PCSK2: variants seen among roughly 807,000 people sequenced by gnomAD.
PCSK2 encodes proprotein convertase subtilisin/kexin type 2.
Under a neutral mutation model 69.7 loss-of-function variants are expected in PCSK2, and 14 were observed. That is an observed-to-expected ratio of 0.20 (90% CI 0.13 to 0.31). The LOEUF (loss-of-function observed/expected upper bound fraction) is 0.31. Among genes scored for constraint, PCSK2 ranks in the 10% least tolerant of loss-of-function variants. PCSK2 has a pLI of 1.00. For synonymous variants in PCSK2, 307 were observed against 320.7 expected (o/e 0.96, Z 0.46); for missense variants, 544 against 842.5 (o/e 0.65, Z 4.39).
At chr20:17,231,069 A>G (rs1013817982) in intron 1 of PCSK2, among the ~76,000 whole-genome samples, 2 of 152,228 alleles carry the variant, frequency 1.3e-5, no homozygotes, top group African/African-American at 4.8e-5. Context: ...AAAATTATTT[A>G]TTGAAGCAAC....
intron 6 of PCSK2, among the ~76,000 whole-genome samples, chr20:17,413,804 TAAAAG>T (rs1380873561): frequency 6.6e-6 from 1 of 152,076 alleles, no homozygotes; most frequent in Non-Finnish European, 1.5e-5. Context: ...TCAGCAAATG[TAAAAG>T]AAAAGAAATC....
chr20:17,431,694 A>C (rs1238787420), intron 7 of PCSK2, among the ~76,000 whole-genome samples: 1 of 152,164 alleles, frequency 6.6e-6, no homozygotes, highest in Non-Finnish European at 1.5e-5. Context: ...TGCCTTAGGG[A>C]ACCCAGTGTC....
At chr20:17,276,330 A>G (rs745322574) in intron 2 of PCSK2, among the ~76,000 whole-genome samples, 15 of 152,126 alleles carry the variant, frequency 9.9e-5, no homozygotes, top group African/African-American at 2.2e-4. Context: ...TTCTTGTGCT[A>G]ATTAACTCCA....
chr20:17,271,255 G>T (rs569275993), intron 2 of PCSK2, among the ~76,000 whole-genome samples: 1 of 151,568 alleles, frequency 6.6e-6, no homozygotes, highest in Non-Finnish European at 1.5e-5. Context: ...TTCTTGTCTC[G>T]GGGGAAATAT....
At position 17,440,858 on chromosome 20, in the gene PCSK2, A is replaced by G. The variant is rs1458382157; in HGVS notation, c.885+3975A>G. Among the ~76,000 whole-genome samples, 7 of 116,682 alleles carry G rather than the reference A, an allele frequency of 6.0e-5. No individual in the cohort carries two copies. The East Asian group carries it at 1.6e-3, about 27-fold the overall frequency. The allele number at this position is 116,682 out of a possible 152,430, so 76.5% of individuals were successfully genotyped here. On this transcript the variant is annotated intron_variant, in intron 8 of 11. Transcript: ENST00000262545. Reference sequence around the variant, plus strand: ...GTCTGGGCATCAGGAGTGAAACTCTATCTCAAAAAAAAAAAAAAAAATGCA... The same window carrying G: ...GTCTGGGCATCAGGAGTGAAACTCTGTCTCAAAAAAAAAAAAAAAAATGCA...
chr20:17,461,918 CCTA>C (rs1249917433), intron 10 of PCSK2, among the ~76,000 whole-genome samples: 1 of 152,188 alleles, frequency 6.6e-6, no homozygotes, highest in Non-Finnish European at 1.5e-5. Flanking sequence ...AATACATACA[CCTA>C]CTGTGTACCC....
chr20:17,354,058 T>C (rs1399934832), intron 2 of PCSK2, among the ~76,000 whole-genome samples: 1 of 152,220 alleles, frequency 6.6e-6, no homozygotes, highest in Non-Finnish European at 1.5e-5. Flanking sequence ...CTATGCTTAC[T>C]ACCTGGCTGA....
chr20:17,282,083 T>A (rs1354001150), intron 2 of PCSK2, among the ~76,000 whole-genome samples: 1 of 152,174 alleles, frequency 6.6e-6, no homozygotes, highest in Non-Finnish European at 1.5e-5. Flanking sequence ...TCTCATGGTG[T>A]ATGCTCCACT....
At chr20:17,378,080 C>A (rs6111524) in intron 5 of PCSK2, among the ~76,000 whole-genome samples, 1 of 152,098 alleles carries the variant, frequency 6.6e-6, no homozygotes. Flanking sequence ...AGTCCCTGAC[C>A]TTGGGGGGTT....
At chr20:17,471,984 G>T (rs1381102111) in intron 11 of PCSK2, among the ~76,000 whole-genome samples, 2 of 152,234 alleles carry the variant, frequency 1.3e-5, no homozygotes, top group African/African-American at 4.8e-5. Flanking sequence ...TCCCGGAGAT[G>T]GAGTCAATTT....
chr20:17,469,619 A>G (rs1212860667), intron 11 of PCSK2, among the ~76,000 whole-genome samples: 6 of 151,908 alleles, frequency 3.9e-5, no homozygotes, highest in Admixed American at 1.3e-4. Flanking sequence ...CTAAACCCAA[A>G]CCCCAGGCTC....
At chr20:17,376,327 G>A (rs901222232) in intron 5 of PCSK2, among the ~76,000 whole-genome samples, 1 of 152,220 alleles carries the variant, frequency 6.6e-6, no homozygotes, top group African/African-American at 2.4e-5. Flanking sequence ...CTGAACTGTG[G>A]ACTCGTAAGC....
intron 2 of PCSK2, among the ~76,000 whole-genome samples, chr20:17,295,955 T>C (rs1338888166): frequency 1.3e-5 from 2 of 152,190 alleles, no homozygotes; most frequent in Non-Finnish European, 1.5e-5. Context: ...CATCCACAAA[T>C]GTGCTTGTGT....
intron 1 of PCSK2, among the ~76,000 whole-genome samples, chr20:17,246,352 G>A (rs960527198): frequency 6.6e-6 from 1 of 152,140 alleles, no homozygotes; most frequent in Non-Finnish European, 1.5e-5. Flanking sequence ...AATCCACTTG[G>A]CTGTGGGTTG....
At chr20:17,476,132 C>A (rs2048556608) in intron 11 of PCSK2, among the ~76,000 whole-genome samples, 1 of 152,166 alleles carries the variant, frequency 6.6e-6, no homozygotes, top group Admixed American at 6.5e-5. Context: ...TCAGAGTCCT[C>A]CAGAGAGGTG....
At chr20:17,280,045 A>G (rs1204050212) in intron 2 of PCSK2, among the ~76,000 whole-genome samples, 1 of 152,096 alleles carries the variant, frequency 6.6e-6, no homozygotes, top group East Asian at 1.9e-4. Flanking sequence ...CGCAGAAGAA[A>G]ACACTATTAT....
intron 6 of PCSK2, among the ~76,000 whole-genome samples, chr20:17,424,952 T>C (rs913696378): frequency 6.6e-6 from 1 of 152,010 alleles, no homozygotes; most frequent in Admixed American, 6.6e-5. Flanking sequence ...ACCTGGCTAA[T>C]TTTTTTGTGT....
intron 2 of PCSK2, among the ~76,000 whole-genome samples, chr20:17,309,891 G>A (rs992599648): frequency 6.7e-6 from 1 of 150,240 alleles, no homozygotes; most frequent in Non-Finnish European, 1.5e-5. Context: ...GAAAGAGGAG[G>A]AAGAGGAAGA....
chr20:17,450,183 C>T (rs1217653210), intron 8 of PCSK2, among the ~76,000 whole-genome samples: 1 of 151,916 alleles, frequency 6.6e-6, no homozygotes, highest in Admixed American at 6.6e-5. Flanking sequence ...CGCCCGCCAC[C>T]TCGCCCGGCT....
Sources: gnomAD v4.1 joint callset for allele counts (sites outside exome capture counted in the v4.1 genomes callset) on GRCh38, gnomAD v4.1.1 for gene constraint, MANE v1.5 for transcripts, NCBI Gene and HGNC (gene_info 2026-07-23, HGNC 2026-07-21) for gene names.